The following SLC9B1 variants were observed in gnomAD, a reference collection of about 807,000 sequenced individuals.
The protein encoded by SLC9B1 is sodium/hydrogen exchanger 9B1.
A neutral mutation model predicts 51.7 loss-of-function variants in SLC9B1; 32 were observed. The ratio of observed to expected loss-of-function variants is 0.62; its 90% confidence interval spans 0.47 to 0.83. The LOEUF is 0.83. Ranked by LOEUF, SLC9B1 falls within the 40% of genes least tolerant of loss-of-function variation. The pLI is 0.00. For synonymous variants in SLC9B1, 145 were observed against 212.7 expected (o/e 0.68, Z 2.77); for missense variants, 406 against 613.2 (o/e 0.66, Z 3.57).
At chr4:103,013,153 A>C (rs115811667) in intron 1 of SLC9B1, among the ~76,000 whole-genome samples, 1,560 of 152,336 alleles carry the variant, frequency 0.01, 35 homozygotes, top group African/African-American at 0.035. Context: ...ACATGGAATC[A>C]AACTGTCTCA....
intron 3 of SLC9B1, among the ~76,000 whole-genome samples, chr4:102,980,940 CATT>C (rs1187132377): frequency 1.3e-5 from 2 of 152,098 alleles, no homozygotes; most frequent in African/African-American, 4.8e-5. Flanking sequence ...ATATTTCCAT[CATT>C]ATAATATCAT....
chr4:102,946,184 G>A lies in SLC9B1; in HGVS notation c.525+463C>T, dbSNP rs188193804. On this transcript the variant is annotated intron_variant, in intron 5 of 11. Transcript: ENST00000296422. ...TTATCTCTGTGCAAATGATTAGATC[G>A]CTAATAAAGACCTTACAACACAGTC... 6.7e-4 allele frequency among the ~76,000 whole-genome samples: 102 copies of A among 152,246 alleles called. 2 individuals carry two copies. Among genetic ancestry groups the A allele is most frequent in the Non-Finnish European group, 5.9e-5 (4 of 68,014 alleles).
intron 8 of SLC9B1, among the ~76,000 whole-genome samples, chr4:102,910,858 A>C (rs950655509): frequency 2.6e-5 from 4 of 152,222 alleles, no homozygotes; most frequent in African/African-American, 9.6e-5. Flanking sequence ...TGAAGAAGAA[A>C]AGAGACCCAT....
intron 3 of SLC9B1, among the ~76,000 whole-genome samples, chr4:102,964,807 G>C (rs994138155): frequency 1.3e-5 from 2 of 151,958 alleles, no homozygotes; most frequent in African/African-American, 2.4e-5. Context: ...AATGATCAAG[G>C]CATCTACCAG....
chr4:102,891,348 G>C (rs951875373), intron 11 of SLC9B1: 5 of 152,200 alleles, frequency 3.3e-5, no homozygotes, highest in African/African-American at 1.2e-4. Flanking sequence ...TACAAAATGT[G>C]ACAGCTGACA....
At chr4:102,979,465 T>C (rs570944096) in intron 3 of SLC9B1, among the ~76,000 whole-genome samples, 81 of 152,172 alleles carry the variant, frequency 5.3e-4, no homozygotes, top group Non-Finnish European at 5.7e-4. Flanking sequence ...CTGCTCATGA[T>C]AGTGTTTTTG....
chr4:102,981,701 T>G (rs1289683707), intron 3 of SLC9B1, among the ~76,000 whole-genome samples: 1 of 152,208 alleles, frequency 6.6e-6, no homozygotes, highest in Non-Finnish European at 1.5e-5. Flanking sequence ...TTAATCTGGT[T>G]GTTTGTTTTC....
chr4:102,937,676 A>G (rs980327903), intron 6 of SLC9B1, among the ~76,000 whole-genome samples: 1 of 141,354 alleles, frequency 7.1e-6, no homozygotes, highest in Non-Finnish European at 1.5e-5. Flanking sequence ...GTGAGCTGAG[A>G]TAGCACCACT....
At chr4:102,978,939 G>T (rs1031424645) in intron 3 of SLC9B1, among the ~76,000 whole-genome samples, 18 of 152,034 alleles carry the variant, frequency 1.2e-4, no homozygotes, top group African/African-American at 3.1e-4. Context: ...TAGCTTTCTG[G>T]TTTCTTAATT....
intron 1 of SLC9B1, among the ~76,000 whole-genome samples, chr4:103,014,156 C>T (rs1741208304): frequency 6.6e-6 from 1 of 152,196 alleles, no homozygotes; most frequent in African/African-American, 2.4e-5. Context: ...TCACTTGACA[C>T]TCTAAACTTT....
At chr4:103,011,835 G>A (rs941691941) in intron 1 of SLC9B1, among the ~76,000 whole-genome samples, 1 of 152,048 alleles carries the variant, frequency 6.6e-6, no homozygotes, top group African/African-American at 2.4e-5. Flanking sequence ...GGACACCCTG[G>A]GCCCCTCCCT....
chr4:102,985,785 A>AAAGTGCTGG (rs1739587288), intron 3 of SLC9B1, among the ~76,000 whole-genome samples: 2 of 152,114 alleles, frequency 1.3e-5, no homozygotes, highest in African/African-American at 4.8e-5. Flanking sequence ...TCCACCTCCC[A>AAAGTGCTGG]AAGTGCTGGG....
chr4:102,929,928 CT>C (rs1459659402), intron 7 of SLC9B1, among the ~76,000 whole-genome samples: 2 of 152,164 alleles, frequency 1.3e-5, no homozygotes, highest in Non-Finnish European at 2.9e-5. Flanking sequence ...AAAACTTTAA[CT>C]TCTGAATGGT....
intron 3 of SLC9B1, chr4:102,962,315 A>G (rs1231602234): frequency 2.8e-5 from 15 of 539,548 alleles, no homozygotes; most frequent in African/African-American, 1.5e-4. Context: ...AAAGTGGTCA[A>G]TATGACTGGA....
In SLC9B1 at chr4:102,932,391, A is replaced by G. The variant is rs534073107; in HGVS notation, c.654-92T>C. The G allele has an allele frequency of 5.2e-6, 6 of 1,150,968 alleles. No individual in the cohort carries two copies. The South Asian group carries it at 6.3e-5, about 12-fold the overall frequency. 71.3% of individuals were successfully genotyped at this position (1,150,968 alleles called of 1,614,324 possible). On this transcript the variant is annotated intron_variant, in intron 6 of 11. Transcript: ENST00000296422. ...GTAGTTTATAATAACTTTATAACAA[A>G]CATTGTTTAGAAGAATTTCAAATTT...
At chr4:102,887,459 G>A (rs1380480012) in intron 11 of SLC9B1, 1 of 951,616 alleles carries the variant, frequency 1.1e-6, no homozygotes, top group Non-Finnish European at 1.7e-6. Flanking sequence ...CTCATTCTTT[G>A]TGTATAGAAA....
Position 102,885,209 on chromosome 4 carries a change from T to C in SLC9B1, c.*24A>G, listed in dbSNP as rs760499330. On this transcript the variant is annotated 3_prime_UTR_variant, in exon 12 of 12. Transcript: ENST00000394789. Reference sequence around the variant, plus strand: ...CACTGCAGATTCTGACACATCTACATGTTTAGTTTCAGAATGGCTTCGGTT... The same window carrying C: ...CACTGCAGATTCTGACACATCTACACGTTTAGTTTCAGAATGGCTTCGGTT... 2.5e-6 allele frequency: 4 copies of C among 1,610,432 alleles called. No individual in the cohort carries two copies. The African/African-American group carries it at 4.0e-5, about 16-fold the overall frequency.
intron 7 of SLC9B1, among the ~76,000 whole-genome samples, chr4:102,927,222 A>G (rs1736230007): frequency 1.3e-5 from 2 of 152,254 alleles, no homozygotes; most frequent in South Asian, 4.1e-4. Flanking sequence ...ACCAATAGTA[A>G]TGGCAACAGA....
intron 7 of SLC9B1, among the ~76,000 whole-genome samples, chr4:102,920,995 T>C (rs192265781): frequency 0.016 from 2,463 of 152,302 alleles, 63 homozygotes; most frequent in African/African-American, 0.053. Context: ...CTTCAGGATA[T>C]TATCCAGGAG....
Sources: allele counts gnomAD v4.1 joint callset (sites outside exome capture counted in the v4.1 genomes callset), GRCh38; gene constraint gnomAD v4.1.1; transcripts MANE v1.5; gene names NCBI Gene and HGNC (gene_info 2026-07-23, HGNC 2026-07-21).